VPS13D: variants seen among roughly 807,000 people sequenced by gnomAD.
VPS13D encodes the protein vacuolar protein sorting 13 homolog D.
VPS13D carries 187 observed loss-of-function variants against 461.9 expected under a neutral mutation model. That is an observed-to-expected ratio of 0.40 (90% CI 0.36 to 0.46). The LOEUF (loss-of-function observed/expected upper bound fraction) is 0.46, where lower values mean the gene tolerates loss of function less well. Ranked by LOEUF, VPS13D falls within the 20% of genes least tolerant of loss-of-function variation. The probability of loss-of-function intolerance (pLI) is 0.60; values close to 1 mark genes in which losing one functional copy is unlikely to be tolerated. For missense variants in VPS13D, 4,711 were observed against 5,364.9 expected (o/e 0.88, Z 3.81); for synonymous variants, 1,951 against 1,986.3 (o/e 0.98, Z 0.47).
intron 40 of VPS13D, among the ~76,000 whole-genome samples, chr1:12,341,077 T>C (rs1188216449): frequency 1.3e-5 from 2 of 152,212 alleles, no homozygotes; most frequent in African/African-American, 4.8e-5. Flanking sequence ...TACAGTTTTG[T>C]ATTGATTGTT....
At chr1:12,385,494 T>C (rs928650641) in intron 59 of VPS13D, 121 bp downstream of exon 59, 2 of 753,732 alleles carry the variant, frequency 2.7e-6, no homozygotes, top group Non-Finnish European at 4.2e-6. Context: ...TGAGTTACGC[T>C]TCACAGTGTT....
intron 68 of VPS13D, among the ~76,000 whole-genome samples, chr1:12,498,922 G>A (rs775743094): frequency 2.6e-5 from 4 of 152,100 alleles, no homozygotes; most frequent in Admixed American, 6.5e-5. Flanking sequence ...GGTCACATTG[G>A]GGTTAGGGCT....
chr1:12,282,864 A>T lies in VPS13D; in HGVS notation c.4762A>T (p.Arg1588Trp), dbSNP rs1407527762. 6.2e-7 allele frequency: 1 copy of T among 1,614,148 alleles called. No homozygotes were observed. The highest frequency in any genetic ancestry group is 2.2e-5 in the East Asian group (1 of 44,882). Residue 1588 changes from arginine to tryptophan, a missense_variant, in exon 21 of 70, where the codon AGG becomes TGG. By Grantham distance (101) the Arg-to-Trp change is moderately radical. Around this residue, in one of 3 missense-constraint regions of VPS13D, gnomAD observed 4,411 missense variants for 4,937.8 expected, o/e 0.89. Transcript: ENST00000620676. ...LSTCGESSVE[R>W]KENGLFSHSS... ...TACCTGTGGAGAATCTTCTGTTGAA[A>T]GGAAGGAGAATGGATTGTTCAGCCA...
chr1:12,388,609 T>C (rs1469531356), intron 60 of VPS13D, among the ~76,000 whole-genome samples: 3 of 146,066 alleles, frequency 2.1e-5, no homozygotes, highest in East Asian at 4.0e-4. Flanking sequence ...CATAAAAAAA[T>C]AATCCAAGAG....
chr1:12,342,756 G>T, intron 41 of VPS13D, 143 bp from the exon 42 acceptor site: 1 of 922,776 alleles, frequency 1.1e-6, no homozygotes, highest in South Asian at 2.7e-5. Flanking sequence ...CGACCCTCAA[G>T]GTCATTCTTT....
intron 26 of VPS13D, among the ~76,000 whole-genome samples, chr1:12,305,062 C>T (rs1043003131): frequency 6.6e-6 from 1 of 152,122 alleles, no homozygotes; most frequent in Admixed American, 6.5e-5. Flanking sequence ...ATTCTGCAAG[C>T]CACTACCCAG....
chr1:12,244,516 T>C (rs1640481805), intron 4 of VPS13D, 21 bp from the exon 5 acceptor site: 1 of 1,613,960 alleles, frequency 6.2e-7, no homozygotes, highest in African/African-American at 1.3e-5. Flanking sequence ...ATTGAGCTAA[T>C]GCTGACTCTT....
chr1:12,303,754 C>T (rs7523900), intron 25 of VPS13D, among the ~76,000 whole-genome samples: 14,914 of 152,172 alleles, frequency 0.098, 1,285 homozygotes, highest in African/African-American at 0.22. Flanking sequence ...CATGATGCTA[C>T]GGGAGCTGTG....
intron 32 of VPS13D, among the ~76,000 whole-genome samples, chr1:12,320,315 G>C (rs980861736): frequency 2.0e-5 from 3 of 152,188 alleles, no homozygotes; most frequent in African/African-American, 4.8e-5. Context: ...AAGGGGAATC[G>C]TGGCAGGTTC....
Position 12,279,464 on chromosome 1 carries a change from G to A in VPS13D, c.4451-35G>A. 1.3e-6 allele frequency: 2 copies of A among 1,571,184 alleles called. No homozygotes were observed. The highest frequency in any genetic ancestry group is 8.7e-7 in the Non-Finnish European group (1 of 1,151,544). ...CAGCAGTAATGAAGTAAATATTAAG[G>A]TTTATGGTCTATCATTTCATCTCTT... is the stretch of plus-strand genomic sequence containing the variant. On this transcript the variant is annotated intron_variant, in intron 19 of 69. Transcript: ENST00000620676. The surrounding 1 kb of genome is among the most constrained non-coding windows in gnomAD (Gnocchi z 4.3).
Position 12,283,156 on chromosome 1 carries a change from A to G in VPS13D, c.5054A>G (p.Tyr1685Cys), listed in dbSNP as rs749549655. Residue 1685 changes from tyrosine (Y) to cysteine (C), a missense_variant, in exon 21 of 70, where the codon TAT becomes TGT. Physicochemically the swap from Tyr to Cys is radical, Grantham distance 194. Coordinates refer to ENST00000620676, the MANE Select transcript of VPS13D (RefSeq NM_015378.4). ...DLLEKNPDSK[Y>C]KNLMVSRGAP... is the part of the protein sequence containing the mutation. ...TTGGAGAAGAATCCAGATTCTAAAT[A>G]TAAGAACCTGATGGTGTCTCGAGGA... 2 of 1,614,188 alleles carry G rather than the reference A, an allele frequency of 1.2e-6. No homozygotes were observed. Among genetic ancestry groups the G allele is most frequent in the Non-Finnish European group, 8.5e-7 (1 of 1,180,022 alleles).
At chr1:12,327,588 T>C in intron 35 of VPS13D, 60 bp from the exon 36 acceptor site, 1 of 1,554,418 alleles carries the variant, frequency 6.4e-7, no homozygotes, top group South Asian at 1.1e-5. Flanking sequence ...GTTTCCTCTG[T>C]GAGTGGCTAG....
rs1643227639 is a variant in VPS13D at position 12,327,725 on chromosome 1, C to T, written c.8068C>T (p.Arg2690Ter). The change falls in exon 36 of 70, where the codon CGA becomes TGA. Residue 2690 changes from arginine to a stop codon, truncating the protein, a stop_gained. Coordinates refer to ENST00000620676, the MANE Select transcript of VPS13D (RefSeq NM_015378.4). LOFTEE classifies it high-confidence loss of function. Reference sequence around the variant, plus strand: ...GTCTCTTTCCTTGGCCTCCACCAGCCGAGATAGCCCAGGGGCTGTGGCAGC... The same window carrying T: ...GTCTCTTTCCTTGGCCTCCACCAGCTGAGATAGCCCAGGGGCTGTGGCAGC... Reference protein sequence around the residue: ...LKSLSLASTSRDSPGAVAAPL... With the variant: ...LKSLSLASTS 2 of 1,614,032 alleles carry T rather than the reference C, an allele frequency of 1.2e-6. No homozygotes were observed. The highest frequency in any genetic ancestry group is 1.3e-5 in the African/African-American group (1 of 74,900).
chr1:12,494,989 A>G (rs1470684558), intron 67 of VPS13D, among the ~76,000 whole-genome samples: 1 of 152,192 alleles, frequency 6.6e-6, no homozygotes, highest in Non-Finnish European at 1.5e-5. Context: ...ACCATAAACC[A>G]GACACTGTTC....
intron 57 of VPS13D, among the ~76,000 whole-genome samples, chr1:12,381,891 A>T (rs540790320): frequency 1.3e-5 from 2 of 149,216 alleles, no homozygotes; most frequent in South Asian, 2.2e-4. Flanking sequence ...GAAGTCAGTC[A>T]GTCTGTCTTT....
rs1171270798 is a variant in VPS13D, at chr1:12,396,018, TATATATATATA to T, written c.11635-4162_11635-4152del. Among the ~76,000 whole-genome samples the T allele has an allele frequency of 4.0e-4, 55 of 137,044 alleles. 2 individuals carry two copies. Among genetic ancestry groups the T allele is most frequent in the African/African-American group, 1.4e-3 (47 of 34,636 alleles). The allele number at this position is 137,044 out of a possible 152,430, so 89.9% of individuals were successfully genotyped here. A position where few individuals can be genotyped will look rare whatever the true frequency, so the allele number is the denominator to read the frequency against. On this transcript the variant is annotated intron_variant, in intron 60 of 69. Transcript: ENST00000620676. Reference sequence around the variant, plus strand: ...GGAGATATATATATATATATATATATATATATATATAGTTCTTTAAGATCAATAAAATTAAT... The same window carrying T: ...GGAGATATATATATATATATATATATGTTCTTTAAGATCAATAAAATTAAT...
chr1:12,445,619 G>A (rs903839229), intron 65 of VPS13D, among the ~76,000 whole-genome samples: 1 of 152,196 alleles, frequency 6.6e-6, no homozygotes, highest in African/African-American at 2.4e-5. Context: ...CAAATCCTAG[G>A]CAAAGACCAG....
chr1:12,456,774 C>T (rs981375058), intron 66 of VPS13D, among the ~76,000 whole-genome samples: 4 of 152,128 alleles, frequency 2.6e-5, no homozygotes, highest in African/African-American at 7.2e-5. Context: ...ACTCCTCATT[C>T]GCTTTCTGAA....
chr1:12,394,209 TTGAC>T (rs1644465917), intron 60 of VPS13D, among the ~76,000 whole-genome samples: 1 of 152,098 alleles, frequency 6.6e-6, no homozygotes, highest in South Asian at 2.1e-4. Flanking sequence ...AGTCTAGAAA[TTGAC>T]TGAGGGGCCA....
Sources: gnomAD v4.1 joint callset for allele counts (sites outside exome capture counted in the v4.1 genomes callset) on GRCh38, gnomAD v4.1.1 for gene constraint, gnomAD v4.1.1 regional missense constraint, Gnocchi (gnomAD v3.1) non-coding constraint, MANE v1.5 for transcripts, NCBI Gene and HGNC (gene_info 2026-07-23, HGNC 2026-07-21) for gene names.